The following DNM3 variants were observed in gnomAD, a reference collection of about 807,000 sequenced individuals.
The protein encoded by DNM3 is dynamin 3.
A neutral mutation model predicts 101.6 loss-of-function variants in DNM3; 47 were observed. That is an observed-to-expected ratio of 0.46 (90% CI 0.37 to 0.59). DNM3 has a LOEUF of 0.59. Ranked by LOEUF, DNM3 falls within the 20% of genes least tolerant of loss-of-function variation. DNM3 has a pLI of 0.00. For synonymous variants in DNM3, 385 were observed against 387.9 expected (o/e 0.99, Z 0.09); for missense variants, 849 against 1,085.7 (o/e 0.78, Z 3.06).
intron 16 of DNM3, among the ~76,000 whole-genome samples, chr1:172,319,721 G>A (rs1317434099): frequency 1.3e-5 from 2 of 152,186 alleles, no homozygotes; most frequent in Non-Finnish European, 2.9e-5. Context: ...TCATTAAAAA[G>A]TCAGGAAACA....
In DNM3 at chr1:172,222,464, T is replaced by C. The variant is rs751808322; in HGVS notation, c.1660-31109T>C. On this transcript the variant is annotated intron_variant, in intron 14 of 20. Transcript: ENST00000627582. ...AGAAGTTGGTGAAGAGGCCAAGGTT[T>C]GCATCAAGGAAGGTGATTATAGAGA... Among the ~76,000 whole-genome samples, 165 of 152,270 alleles carry C rather than the reference T, an allele frequency of 1.1e-3. 1 individual carries two copies. In the Middle Eastern group the frequency reaches 0.037, roughly 35 times the overall value.
chr1:172,040,986 A>C lies in DNM3; in HGVS notation c.993-1023A>C, dbSNP rs986651835. 2.0e-5 allele frequency among the ~76,000 whole-genome samples: 3 copies of C among 152,112 alleles called. No homozygotes were observed. In the East Asian group the frequency reaches 5.8e-4, roughly 29 times the overall value. ...CAAAGCCAGACCATAAAATGCTGGG[A>C]GATGGGCTAAAGAGTTTTGATTGTA... On this transcript the variant is annotated intron_variant, in intron 7 of 20. Transcript: ENST00000627582.
In DNM3 at chr1:172,247,841, C is replaced by CA. The variant is rs893731929; in HGVS notation, c.1660-5731dup. ...CTGGGATTACAGGCATCCACCACCACACCCAGCTAATTTTTGTATTTTTAG... is the reference window on the plus strand; with the variant it reads ...CTGGGATTACAGGCATCCACCACCACAACCCAGCTAATTTTTGTATTTTTAG... On this transcript the variant is annotated intron_variant, in intron 14 of 20. Coordinates refer to ENST00000627582, the MANE Select transcript of DNM3 (RefSeq NM_015569.5). Among the ~76,000 whole-genome samples, 55 of 151,886 alleles carry CA rather than the reference C, an allele frequency of 3.6e-4. 1 individual carries two copies. The highest frequency in any genetic ancestry group is 6.0e-4 in the Non-Finnish European group (41 of 67,918).
intron 2 of DNM3, among the ~76,000 whole-genome samples, chr1:171,949,960 C>T (rs1006519523): frequency 9.2e-5 from 14 of 152,142 alleles, no homozygotes; most frequent in African/African-American, 3.4e-4. Context: ...TGCATTTGTC[C>T]TCACAACAAC....
intron 2 of DNM3, among the ~76,000 whole-genome samples, chr1:171,941,406 C>T (rs1374409285): frequency 6.6e-6 from 1 of 152,050 alleles, no homozygotes; most frequent in Non-Finnish European, 1.5e-5. Context: ...GCAGAGTTAC[C>T]CACAGGAGTG....
At chr1:172,046,861 G>A (rs1305458655) in intron 9 of DNM3, among the ~76,000 whole-genome samples, 4 of 152,102 alleles carry the variant, frequency 2.6e-5, no homozygotes, top group Non-Finnish European at 5.9e-5. Flanking sequence ...GGGTCATACA[G>A]TATTTGAAAT....
intron 19 of DNM3, among the ~76,000 whole-genome samples, chr1:172,387,764 A>G (rs1450602093): frequency 6.6e-6 from 1 of 152,168 alleles, no homozygotes; most frequent in Non-Finnish European, 1.5e-5. Context: ...ACCTACAGAA[A>G]AAGGGGAAAA....
intron 2 of DNM3, among the ~76,000 whole-genome samples, chr1:171,986,584 G>A (rs1281552581): frequency 1.3e-5 from 2 of 149,780 alleles, no homozygotes; most frequent in Middle Eastern, 3.6e-3. Context: ...AATATTAAAT[G>A]TTTATGATGG....
At chr1:172,350,301 C>A (rs974152927) in intron 17 of DNM3, among the ~76,000 whole-genome samples, 1 of 142,300 alleles carries the variant, frequency 7.0e-6, no homozygotes, top group Non-Finnish European at 1.5e-5. Context: ...ATTTTTCATA[C>A]CCTTCCATTT....
chr1:172,337,866 TTTTTA>T (rs567308271), intron 17 of DNM3, among the ~76,000 whole-genome samples: 8,360 of 112,882 alleles, frequency 0.074, 516 homozygotes, highest in African/African-American at 0.18. Context: ...TTTTATTTTA[TTTTTA>T]TTTTATTTTA....
chr1:172,034,552 C>G (rs1221610053), intron 6 of DNM3, among the ~76,000 whole-genome samples: 2 of 151,766 alleles, frequency 1.3e-5, no homozygotes, highest in Non-Finnish European at 2.9e-5. Context: ...AGGTGACCCC[C>G]AAGTTATGAC....
intron 1 of DNM3, among the ~76,000 whole-genome samples, chr1:171,916,141 G>A (rs146574052): frequency 1.6e-4 from 25 of 152,258 alleles, no homozygotes; most frequent in African/African-American, 6.0e-4. Flanking sequence ...CTTTTACAAT[G>A]TAGAGAAAAA....
intron 14 of DNM3, among the ~76,000 whole-genome samples, chr1:172,143,297 C>G (rs992395860): frequency 6.6e-6 from 1 of 151,938 alleles, no homozygotes; most frequent in Non-Finnish European, 1.5e-5. Context: ...TTTCACAAAC[C>G]CTGTAGAAGA....
At chr1:171,921,592 A>G (rs917586136) in intron 1 of DNM3, among the ~76,000 whole-genome samples, 156 bp from the exon 2 acceptor site, 1 of 152,130 alleles carries the variant, frequency 6.6e-6, no homozygotes, top group African/African-American at 2.4e-5. Context: ...TTTAAATTTG[A>G]AAATGCTTCT....
At chr1:171,863,831 T>C (rs1416139803) in intron 1 of DNM3, among the ~76,000 whole-genome samples, 2 of 152,232 alleles carry the variant, frequency 1.3e-5, no homozygotes. Flanking sequence ...TTATCACCTC[T>C]TCTTGAAAGC....
intron 9 of DNM3, among the ~76,000 whole-genome samples, chr1:172,045,747 G>A (rs2049743978): frequency 6.6e-6 from 1 of 152,178 alleles, no homozygotes; most frequent in South Asian, 2.1e-4. Context: ...AGGTTGCCTA[G>A]TACATAGATT....
intron 1 of DNM3, among the ~76,000 whole-genome samples, chr1:171,886,522 C>A (rs189853354): frequency 4.0e-4 from 61 of 152,164 alleles, no homozygotes; most frequent in Admixed American, 9.2e-4. Context: ...CTGGTTCCCA[C>A]TTCCCCAACC....
At chr1:171,987,594 T>G (rs1227013968) in intron 2 of DNM3, 62 bp from the exon 3 acceptor site, 15 of 1,475,750 alleles carry the variant, frequency 1.0e-5, no homozygotes, top group Non-Finnish European at 1.1e-5. Context: ...TTAAAGAAAC[T>G]TTTATAATTA....
At chr1:172,060,103 C>T (rs2051043307) in intron 10 of DNM3, among the ~76,000 whole-genome samples, 2 of 150,866 alleles carry the variant, frequency 1.3e-5, no homozygotes, top group South Asian at 4.2e-4. Flanking sequence ...ACAATTGCTT[C>T]AAAGAGAATA....
Sources: allele counts gnomAD v4.1 joint callset (sites outside exome capture counted in the v4.1 genomes callset), GRCh38; gene constraint gnomAD v4.1.1; transcripts MANE v1.5; gene names NCBI Gene and HGNC (gene_info 2026-07-23, HGNC 2026-07-21).